Variants in LARGE1 observed in about 807,000 individuals in gnomAD.
LARGE1 encodes xylosyl- and glucuronyltransferase LARGE1.
A neutral mutation model predicts 87.6 loss-of-function variants in LARGE1; 43 were observed. The ratio of observed to expected loss-of-function variants is 0.49; its 90% CI spans 0.38 to 0.63. LARGE1 has a LOEUF of 0.63. Among genes scored for constraint, LARGE1 ranks in the 30% least tolerant of loss-of-function variants. LARGE1 has a pLI of 0.00. For missense variants in LARGE1, 802 were observed against 1,000.2 expected, an observed-to-expected ratio of 0.80 and a Z score of 2.67; for synonymous variants, 434 against 394.6, an observed-to-expected ratio of 1.10 and a Z score of -1.18.
At chr22:33,366,959 T>C (rs2064618128) in intron 9 of LARGE1, among the ~76,000 whole-genome samples, 1 of 152,244 alleles carries the variant, frequency 6.6e-6, no homozygotes, top group Non-Finnish European at 1.5e-5. Flanking sequence ...TATTTCTACT[T>C]GCCGTCTAGG....
At chr22:33,145,736 T>C in the LARGE1 span, among the ~76,000 whole-genome samples, 1 of 152,186 alleles carries the variant, frequency 6.6e-6, no homozygotes, top group Non-Finnish European at 1.5e-5. Context: ...TTTCTACTGC[T>C]CTCAGCCCAA....
chr22:33,693,811 G>A (rs2082167387), intron 2 of LARGE1, among the ~76,000 whole-genome samples: 1 of 151,912 alleles, frequency 6.6e-6, no homozygotes. Context: ...GCAACGGGGC[G>A]AGACTCTGTC....
At chr22:33,444,331 A>T (rs192244015) in intron 6 of LARGE1, among the ~76,000 whole-genome samples, 1 of 152,340 alleles carries the variant, frequency 6.6e-6, no homozygotes, top group Non-Finnish European at 1.5e-5. Context: ...AAGTATTATC[A>T]CTATTACCAA....
In LARGE1 at chr22:33,199,118, T is replaced by G. The variant is rs142369688; in HGVS notation, c.1731-32286A>C. 3.6e-3 allele frequency among the ~76,000 whole-genome samples: 555 copies of G among 152,322 alleles called. 2 individuals carry two copies. Among genetic ancestry groups the G allele is most frequent in the Middle Eastern group, 0.017 (5 of 294 alleles). ...TGATGATCGTGATGTTGAGCATTTTTTAATATATTTGTCAGCCGCTTGTAT... is the reference window on the plus strand; with the variant it reads ...TGATGATCGTGATGTTGAGCATTTTGTAATATATTTGTCAGCCGCTTGTAT... On this transcript the variant is annotated intron_variant, in intron 11 of 11. Coordinates refer to the LARGE1 transcript ENST00000608642.
rs540847185 is a variant in LARGE1, at chr22:33,194,355, C to T, written c.1731-27523G>A. Among the ~76,000 whole-genome samples, 4 of 152,224 alleles carry T rather than the reference C, an allele frequency of 2.6e-5. No homozygotes were observed. In the South Asian group the frequency reaches 6.2e-4, roughly 24 times the overall value. On this transcript the variant is annotated intron_variant, in intron 11 of 11. Coordinates refer to the LARGE1 transcript ENST00000608642. Reference sequence around the variant, plus strand: ...CATATAAACTTACCTGAGACTTGCACGGCATGAACTCTTAGTCATTCCTCA... The same window carrying T: ...CATATAAACTTACCTGAGACTTGCATGGCATGAACTCTTAGTCATTCCTCA...
At chr22:33,358,891 G>A (rs539348381) in intron 9 of LARGE1, among the ~76,000 whole-genome samples, 7 of 152,050 alleles carry the variant, frequency 4.6e-5, no homozygotes, top group African/African-American at 1.4e-4. Context: ...CCAGCTACTC[G>A]GGAGGCTGAG....
At chr22:33,371,326 A>G (rs180882797) in intron 9 of LARGE1, among the ~76,000 whole-genome samples, 5 of 152,346 alleles carry the variant, frequency 3.3e-5, no homozygotes, top group Non-Finnish European at 5.9e-5. Flanking sequence ...ATAAAAATGG[A>G]AATATCTTCG....
At chr22:33,844,683 T>C (rs2063379149) in intron 1 of LARGE1, among the ~76,000 whole-genome samples, 1 of 151,922 alleles carries the variant, frequency 6.6e-6, no homozygotes, top group African/African-American at 2.4e-5. Context: ...CTGTGTGCTT[T>C]GGTTTCCTTG....
Position 33,845,544 on chromosome 22 carries a change from A to C in LARGE1, c.-83+74451T>G, listed in dbSNP as rs145917474. ...GCTGGTCTCGAACTCCTGACCTCAG[A>C]TCATCTACCCGCCTCAGCCTCCCAA... On this transcript the variant is annotated intron_variant, in intron 1 of 14. Transcript: ENST00000397394. Among the ~76,000 whole-genome samples, 1,214 of 151,828 alleles carry C rather than the reference A, an allele frequency of 8.0e-3. 15 individuals are homozygous for C. The highest frequency in any genetic ancestry group is 0.028 in the African/African-American group (1,143 of 41,414).
At chr22:33,552,175 T>C (rs911548079) in intron 6 of LARGE1, among the ~76,000 whole-genome samples, 4 of 152,162 alleles carry the variant, frequency 2.6e-5, no homozygotes, top group African/African-American at 9.7e-5. Flanking sequence ...AGGTGCTCAA[T>C]AAATATTTAT....
chr22:33,840,057 G>A (rs570104135), intron 1 of LARGE1, among the ~76,000 whole-genome samples: 9 of 152,258 alleles, frequency 5.9e-5, no homozygotes, highest in Admixed American at 1.3e-4. Context: ...AAATGCCTCC[G>A]AATTGAAGGT....
At chr22:33,481,716 C>A (rs980604873) in intron 6 of LARGE1, among the ~76,000 whole-genome samples, 6 of 152,166 alleles carry the variant, frequency 3.9e-5, no homozygotes, top group African/African-American at 1.2e-4. Context: ...GTTAGAACAA[C>A]TGCCAACATT....
chr22:33,781,960 C>T (rs2085436819), intron 1 of LARGE1, among the ~76,000 whole-genome samples: 1 of 151,610 alleles, frequency 6.6e-6, no homozygotes, highest in South Asian at 2.1e-4. Context: ...TATATATATA[C>T]ACACACACAG....
chr22:33,244,770 A>T (rs1328538495), intron 11 of LARGE1, among the ~76,000 whole-genome samples: 1 of 152,108 alleles, frequency 6.6e-6, no homozygotes, highest in African/African-American at 2.4e-5. Flanking sequence ...ACAAGAAAGG[A>T]TGTTGAAGTG....
intron 7 of LARGE1, among the ~76,000 whole-genome samples, chr22:33,428,943 CAAAAA>C (rs375368162): frequency 1.6e-4 from 12 of 76,978 alleles, no homozygotes; most frequent in African/African-American, 2.6e-4. Flanking sequence ...AAAAAAGAAA[CAAAAA>C]AAAAAAAAAA....
intron 3 of LARGE1, among the ~76,000 whole-genome samples, chr22:33,638,904 A>T (rs985955946): frequency 1.3e-5 from 2 of 152,226 alleles, no homozygotes; most frequent in Non-Finnish European, 2.9e-5. Flanking sequence ...GCATCAGAGG[A>T]TAACATTCAT....
At chr22:33,199,590 C>T (rs1276529878) in intron 11 of LARGE1, among the ~76,000 whole-genome samples, 2 of 152,110 alleles carry the variant, frequency 1.3e-5, no homozygotes, top group African/African-American at 4.8e-5. Flanking sequence ...ATCCAATTTT[C>T]CCAGCACTAT....
intron 7 of LARGE1, among the ~76,000 whole-genome samples, chr22:33,389,888 AAC>A (rs747397965): frequency 0.093 from 13,573 of 146,064 alleles, 976 homozygotes; most frequent in African/African-American, 0.22. Flanking sequence ...CCAACCAACC[AAC>A]CAAACAAAAA....
chr22:33,920,595 G>T (rs1477548382), upstream of LARGE1, among the ~76,000 whole-genome samples: 4 of 145,224 alleles, frequency 2.8e-5, no homozygotes, highest in East Asian at 8.2e-4. Flanking sequence ...GCCGGAAAAG[G>T]CCTCGCCCCG....
Sources: gnomAD v4.1 joint callset for allele counts (sites outside exome capture counted in the v4.1 genomes callset) on GRCh38, gnomAD v4.1.1 for gene constraint, MANE v1.5 for transcripts, NCBI Gene and HGNC (gene_info 2026-07-23, HGNC 2026-07-21) for gene names.